ADGRL2: variants seen among roughly 807,000 people sequenced by gnomAD.
The protein encoded by ADGRL2 is calcium-independent alpha-latrotoxin receptor 2.
ADGRL2 carries 44 observed loss-of-function variants against 157.4 expected under a neutral mutation model. That is an observed-to-expected ratio of 0.28 (90% confidence interval 0.22 to 0.36). ADGRL2 has a LOEUF of 0.36. ADGRL2 is among the 10% of genes least tolerant of loss of function. ADGRL2 has a pLI of 1.00. For missense variants in ADGRL2, 1,510 were observed against 1,768.9 expected (o/e 0.85, Z 2.63); for synonymous variants, 585 against 624.7 (o/e 0.94, Z 0.95).
intron 1 of ADGRL2, among the ~76,000 whole-genome samples, chr1:81,320,983 G>C (rs758610406): frequency 4.4e-4 from 67 of 152,124 alleles, no homozygotes; most frequent in Non-Finnish European, 6.6e-4. Flanking sequence ...CCAATATAAG[G>C]CTGTTTTGAA....
At chr1:81,312,452 C>T (rs1419816825) in intron 1 of ADGRL2, among the ~76,000 whole-genome samples, 1 of 152,134 alleles carries the variant, frequency 6.6e-6, no homozygotes, top group Non-Finnish European at 1.5e-5. Context: ...GGTTCACAAA[C>T]GTGGATAGAA....
chr1:81,524,473 G>C (rs1324512728), intron 2 of ADGRL2, among the ~76,000 whole-genome samples: 2 of 152,110 alleles, frequency 1.3e-5, no homozygotes, highest in African/African-American at 4.8e-5. Context: ...ACATACATGT[G>C]AAAAACTACA....
At chr1:81,501,808 G>A (rs1045987362) in intron 2 of ADGRL2, 9 of 1,603,316 alleles carry the variant, frequency 5.6e-6, no homozygotes, top group African/African-American at 4.0e-5. Context: ...AGCAGCAGCA[G>A]CAACAGCAGC....
chr1:81,330,102 C>T lies in ADGRL2; in HGVS notation c.-302+23593C>T, dbSNP rs77819294. Among the ~76,000 whole-genome samples the T allele has an allele frequency of 2.5e-3, 376 of 152,132 alleles. 1 individual carries two copies. Among genetic ancestry groups the T allele is most frequent in the African/African-American group, 8.6e-3 (356 of 41,504 alleles). ...ATTTCTAGCTGGTATTTGCCATATG[C>T]TAATAAACTAGAACATCACAAGATT... On this transcript the variant is annotated intron_variant, in intron 1 of 24. Transcript: ENST00000370721.
chr1:81,761,172 T>A (rs2085869141), intron 1 of ADGRL2, among the ~76,000 whole-genome samples: 1 of 151,880 alleles, frequency 6.6e-6, no homozygotes, highest in Admixed American at 6.6e-5. Context: ...AACAATATCT[T>A]TCTTGGGAAT....
intron 2 of ADGRL2, among the ~76,000 whole-genome samples, chr1:81,904,419 A>C (rs7514224): frequency 0.2 from 30,119 of 152,100 alleles, 3,661 homozygotes; most frequent in Non-Finnish European, 0.26. Flanking sequence ...TTCTGTTGCT[A>C]TAGGAAAATA....
intron 2 of ADGRL2, among the ~76,000 whole-genome samples, chr1:81,892,781 G>A (rs1411519182): frequency 6.6e-6 from 1 of 152,042 alleles, no homozygotes; most frequent in South Asian, 2.1e-4. Flanking sequence ...ACATTTTTAT[G>A]TGTCATGAAA....
intron 1 of ADGRL2, among the ~76,000 whole-genome samples, chr1:81,370,087 A>T (rs2076135392): frequency 1.3e-5 from 2 of 152,118 alleles, no homozygotes; most frequent in Admixed American, 1.3e-4. Flanking sequence ...AGCTTCCTTT[A>T]TTCTACAGTG....
At chr1:81,400,216 G>T (rs1483426346) in intron 1 of ADGRL2, among the ~76,000 whole-genome samples, 1 of 152,010 alleles carries the variant, frequency 6.6e-6, no homozygotes, top group Admixed American at 6.5e-5. Context: ...CAATTGTCTG[G>T]TCTGACATGA....
At chr1:81,344,474 C>G (rs929610952) in intron 1 of ADGRL2, among the ~76,000 whole-genome samples, 1 of 151,800 alleles carries the variant, frequency 6.6e-6, no homozygotes, top group Non-Finnish European at 1.5e-5. Context: ...GTCGGGAGTT[C>G]GAGACCAGCC....
intron 10 of ADGRL2, among the ~76,000 whole-genome samples, chr1:81,954,098 C>A (rs1269225718): frequency 6.6e-6 from 1 of 152,020 alleles, no homozygotes; most frequent in Non-Finnish European, 1.5e-5. Flanking sequence ...CTGCTGAAAT[C>A]TATAGAATTT....
chr1:81,970,306 C>T lies in ADGRL2; in HGVS notation c.2734-8C>T, dbSNP rs1238365848. ...TTCTTTTGTGTTTTTTGTTCTTTTCCCCCGTAGATTGCATGCCCAATATTT... is the reference window on the plus strand; with the variant it reads ...TTCTTTTGTGTTTTTTGTTCTTTTCTCCCGTAGATTGCATGCCCAATATTT... On this transcript the variant is annotated splice_region_variant and splice_polypyrimidine_tract_variant and intron_variant, in intron 15 of 23. Coordinates refer to ENST00000686636, the MANE Select transcript of ADGRL2 (RefSeq NM_001366006.2). 4 of 1,598,400 alleles carry T rather than the reference C, an allele frequency of 2.5e-6. No individual in the cohort carries two copies. The highest frequency in any genetic ancestry group is 1.7e-5 in the Admixed American group (1 of 59,090).
intron 2 of ADGRL2, among the ~76,000 whole-genome samples, chr1:81,867,988 G>A (rs1412064761): frequency 2.0e-5 from 3 of 151,738 alleles, no homozygotes; most frequent in Admixed American, 1.3e-4. Context: ...AGGCCAATAT[G>A]GGCACAAATA....
At chr1:81,896,407 G>C (rs1428240124) in intron 2 of ADGRL2, among the ~76,000 whole-genome samples, 1 of 152,166 alleles carries the variant, frequency 6.6e-6, no homozygotes, top group African/African-American at 2.4e-5. Flanking sequence ...CAGGTCGTCA[G>C]TCATTTAAGA....
chr1:81,316,428 C>T (rs1232035530), intron 1 of ADGRL2, among the ~76,000 whole-genome samples: 1 of 152,104 alleles, frequency 6.6e-6, no homozygotes, highest in Non-Finnish European at 1.5e-5. Flanking sequence ...AAATGACCTC[C>T]TTTGCTTTCA....
At chr1:81,809,696 G>T (rs1174009193) in intron 1 of ADGRL2, among the ~76,000 whole-genome samples, 1 of 151,822 alleles carries the variant, frequency 6.6e-6, no homozygotes, top group South Asian at 2.1e-4. Context: ...CCCTTTCTTG[G>T]TCACACATAT....
At chr1:81,829,772 A>G (rs1335452126) in intron 1 of ADGRL2, among the ~76,000 whole-genome samples, 1 of 152,204 alleles carries the variant, frequency 6.6e-6, no homozygotes, top group Non-Finnish European at 1.5e-5. Flanking sequence ...TAGAATCAGG[A>G]CCATAAATTT....
At chr1:81,980,428 A>G (rs1210670830) in intron 18 of ADGRL2, among the ~76,000 whole-genome samples, 1 of 151,682 alleles carries the variant, frequency 6.6e-6, no homozygotes, top group African/African-American at 2.4e-5. Context: ...ACTTTTTCTT[A>G]ATGTTGAATA....
At chr1:81,700,707 A>AGAAGG (rs1241800197) in intron 1 of ADGRL2, among the ~76,000 whole-genome samples, 1 of 152,222 alleles carries the variant, frequency 6.6e-6, no homozygotes, top group African/African-American at 2.4e-5. Flanking sequence ...TGTATACTCC[A>AGAAGG]GAAGGGGGAA....
Sources: allele counts gnomAD v4.1 joint callset (sites outside exome capture counted in the v4.1 genomes callset), GRCh38; gene constraint gnomAD v4.1.1; transcripts MANE v1.5; gene names NCBI Gene and HGNC (gene_info 2026-07-23, HGNC 2026-07-21).